Variants in DCTN4 observed in about 807,000 individuals in gnomAD.
The protein encoded by DCTN4 is dynactin 4 (p62).
A neutral mutation model predicts 62.7 loss-of-function variants in DCTN4; 23 were observed. The observed-to-expected ratio is 0.37, with a 90% confidence interval of 0.26 to 0.52. The LOEUF is 0.52. Among genes scored for constraint, DCTN4 ranks in the 20% least tolerant of loss-of-function variants. The pLI is 0.92. For synonymous variants in DCTN4, 199 were observed against 202.1 expected, an observed-to-expected ratio of 0.98 and a Z score of 0.13; for missense variants, 514 against 580.4, an observed-to-expected ratio of 0.89 and a Z score of 1.18.
intron 1 of DCTN4, 169 bp downstream of exon 1, chr5:150,758,690 T>C (rs1752951642): frequency 1.5e-6 from 2 of 1,321,590 alleles, no homozygotes; most frequent in East Asian, 4.8e-5. Flanking sequence ...CTGCTCCTCC[T>C]TTCCAAGTGA....
chr5:150,717,340 C>T (rs1210315415), intron 11 of DCTN4, among the ~76,000 whole-genome samples: 2 of 152,194 alleles, frequency 1.3e-5, no homozygotes, highest in African/African-American at 4.8e-5. Flanking sequence ...ATCACTGTCT[C>T]CCGGGTTCAA....
intron 4 of DCTN4, among the ~76,000 whole-genome samples, chr5:150,735,678 T>C (rs768313141): frequency 5.9e-5 from 9 of 152,178 alleles, no homozygotes; most frequent in Non-Finnish European, 1.0e-4. Flanking sequence ...GCCCCAGATC[T>C]TTCCTCTGAC....
At chr5:150,748,726 G>A (rs1446225583) in intron 3 of DCTN4, among the ~76,000 whole-genome samples, 2 of 140,870 alleles carry the variant, frequency 1.4e-5, no homozygotes, top group Non-Finnish European at 3.0e-5. Context: ...TCATAGATGG[G>A]AATTGAACAA....
chr5:150,746,840 T>C (rs1033120672), intron 3 of DCTN4, among the ~76,000 whole-genome samples: 1 of 152,156 alleles, frequency 6.6e-6, no homozygotes, highest in Non-Finnish European at 1.5e-5. Flanking sequence ...TCATACTGAA[T>C]GGGCAAAAAC....
intron 4 of DCTN4, among the ~76,000 whole-genome samples, chr5:150,735,155 CCCA>C (rs1321847453): frequency 6.6e-6 from 1 of 152,178 alleles, no homozygotes; most frequent in Admixed American, 6.5e-5. Flanking sequence ...AGCTTGTATC[CCCA>C]CCACACTACT....
intron 11 of DCTN4, among the ~76,000 whole-genome samples, chr5:150,717,146 G>A (rs1488095174): frequency 6.6e-6 from 1 of 152,084 alleles, no homozygotes; most frequent in African/African-American, 2.4e-5. Flanking sequence ...ATAGAGAAAG[G>A]CTCTTGTTCT....
intron 11 of DCTN4, among the ~76,000 whole-genome samples, chr5:150,718,065 G>C (rs1759830517): frequency 6.6e-6 from 1 of 152,218 alleles, no homozygotes. Flanking sequence ...GGTCATTTAG[G>C]AAGTTATTGT....
At chr5:150,727,822 T>A (rs1423872788) in intron 8 of DCTN4, among the ~76,000 whole-genome samples, 1 of 150,596 alleles carries the variant, frequency 6.6e-6, no homozygotes, top group Non-Finnish European at 1.5e-5. Flanking sequence ...AGCTTCCTGA[T>A]GATTTTTTTG....
At chr5:150,729,413 T>C (rs1443837782) in intron 8 of DCTN4, among the ~76,000 whole-genome samples, 2 of 152,032 alleles carry the variant, frequency 1.3e-5, no homozygotes, top group Non-Finnish European at 2.9e-5. Flanking sequence ...CAGCATCTTG[T>C]TATCAAAAAT....
At position 150,711,164 on chromosome 5, in the gene DCTN4, G is replaced by A. The variant is rs2151463575; in HGVS notation, c.1368C>T (p.Gly456=). ...WLTQHVELSL[G]PLLP ...GTGGAACCTTTTAAGGAAGAAGTGG[G>A]CCCAAGCTAAGTTCCACATGCTGGG... Residue 456 remains glycine (G), a synonymous_variant, in exon 13 of 13, where the codon GGC becomes GGT. Coordinates refer to ENST00000447998, the MANE Select transcript of DCTN4 (RefSeq NM_016221.4). 6.2e-7 allele frequency: 1 copy of A among 1,612,210 alleles called. No individual in the cohort carries two copies. The highest frequency in any genetic ancestry group is 8.5e-7 in the Non-Finnish European group (1 of 1,179,992).
chr5:150,731,761 C>T, intron 5 of DCTN4: 1 of 898,178 alleles, frequency 1.1e-6, no homozygotes. Flanking sequence ...CTAAAAGTAT[C>T]TAAGCTACGG....
intron 9 of DCTN4, among the ~76,000 whole-genome samples, chr5:150,721,748 T>C (rs2113017126): frequency 6.6e-6 from 1 of 152,354 alleles, no homozygotes; most frequent in East Asian, 1.9e-4. Context: ...TATTAAACTT[T>C]TGTTTGTCAT....
At position 150,755,879 on chromosome 5, in the gene DCTN4, G is replaced by A. The variant is rs75117629; in HGVS notation, c.206+538C>T. On this transcript the variant is annotated intron_variant, in intron 2 of 12. Transcript: ENST00000447998. The stretch of plus-strand genomic sequence containing the variant: ...TAACAATAGGGGAGACTGGATGTGA[G>A]GTAAATGGGAACTCTCCATACTATC... Among the ~76,000 whole-genome samples the A allele has an allele frequency of 4.4e-3, 677 of 152,182 alleles. 5 individuals are homozygous for A. The highest frequency in any genetic ancestry group is 6.6e-3 in the Non-Finnish European group (450 of 68,008).
chr5:150,718,362 G>C lies in DCTN4; in HGVS notation c.985C>G (p.Leu329Val). Residue 329 changes from leucine to valine, a missense_variant, in exon 11 of 13, where the codon CTT (leucine) becomes GTT (valine). By Grantham distance (32) the Leu-to-Val change is conservative (BLOSUM62 1). Transcript: ENST00000447998. ...YMKESQVLLT[L>V]TNPVENLTHV... Reference sequence around the variant, plus strand: ...GTGAGGTTCTCAACTGGATTTGTAAGAGTCAGGAGGACCTGGCTCTCCTGG... The same window carrying C: ...GTGAGGTTCTCAACTGGATTTGTAACAGTCAGGAGGACCTGGCTCTCCTGG... The C allele has an allele frequency of 6.2e-7, 1 of 1,613,960 alleles. No individual in the cohort carries two copies. The highest frequency in any genetic ancestry group is 1.3e-5 in the African/African-American group (1 of 75,024).
intron 1 of DCTN4, 48 bp downstream of exon 1, chr5:150,758,811 G>T (rs781031158): frequency 6.2e-7 from 1 of 1,600,194 alleles, no homozygotes; most frequent in Non-Finnish European, 8.5e-7. Flanking sequence ...TAGCATGAAC[G>T]CCGCGCCCCC....
At position 150,714,839 on chromosome 5, in the gene DCTN4, CTT is replaced by C. The variant is rs371473727; in HGVS notation, c.1169+724_1169+725del. Reference sequence around the variant, plus strand: ...GCCTGAGTTTCAGCTACATGGAGCTCTTTGTTTAAGTTCTAAATTTTAATAAT... The same window carrying C: ...GCCTGAGTTTCAGCTACATGGAGCTCTGTTTAAGTTCTAAATTTTAATAAT... On this transcript the variant is annotated intron_variant, in intron 12 of 12. Transcript: ENST00000447998. Among the ~76,000 whole-genome samples the C allele has an allele frequency of 2.6e-3, 396 of 152,298 alleles. 1 individual carries two copies. The highest frequency in any genetic ancestry group is 9.3e-3 in the African/African-American group (386 of 41,556).
chr5:150,720,171 G>C (rs1395205835), intron 9 of DCTN4, among the ~76,000 whole-genome samples: 1 of 152,108 alleles, frequency 6.6e-6, no homozygotes, highest in Non-Finnish European at 1.5e-5. Context: ...AAAGTGCTTG[G>C]AACAAAGCTC....
chr5:150,733,335 GT>G, intron 5 of DCTN4, 32 bp downstream of exon 5: 1 of 1,498,792 alleles, frequency 6.7e-7, no homozygotes, highest in African/African-American at 1.4e-5. Context: ...GGCCTTAGAG[GT>G]CTTGCAAATC....
At chr5:150,743,423 G>A (rs1188612098) in intron 3 of DCTN4, among the ~76,000 whole-genome samples, 2 of 152,224 alleles carry the variant, frequency 1.3e-5, no homozygotes, top group African/African-American at 2.4e-5. Flanking sequence ...AAATGTCCCT[G>A]TCTGACAGCT....
Sources: gnomAD v4.1 joint callset for allele counts (sites outside exome capture counted in the v4.1 genomes callset) on GRCh38, gnomAD v4.1.1 for gene constraint, MANE v1.5 for transcripts, NCBI Gene and HGNC (gene_info 2026-07-23, HGNC 2026-07-21) for gene names.